Variants in EPHA3 observed in about 807,000 individuals in gnomAD.
EPHA3 encodes the protein ephrin type-A receptor 3.
EPHA3 carries 42 observed loss-of-function variants against 107.1 expected under a neutral mutation model. That is an observed-to-expected ratio of 0.39 (90% confidence interval 0.31 to 0.51). The LOEUF (loss-of-function observed/expected upper bound fraction) is 0.51. Ranked by LOEUF, EPHA3 falls within the 20% of genes least tolerant of loss-of-function variation. EPHA3 has a pLI of 0.78. For missense variants in EPHA3, 1,183 were observed against 1,211.2 expected, an observed-to-expected ratio of 0.98 and a Z score of 0.35; for synonymous variants, 461 against 424.8, an observed-to-expected ratio of 1.09 and a Z score of -1.05.
chr3:89,269,530 C>T (rs1264582240), intron 3 of EPHA3, among the ~76,000 whole-genome samples: 1 of 151,944 alleles, frequency 6.6e-6, no homozygotes, highest in Non-Finnish European at 1.5e-5. Flanking sequence ...CAGTGATCCT[C>T]CTACCTTGGA....
chr3:89,241,946 T>G (rs758298803), intron 3 of EPHA3, among the ~76,000 whole-genome samples: 20 of 152,160 alleles, frequency 1.3e-4, no homozygotes, highest in Middle Eastern at 3.2e-3. Context: ...CCTCAAGCCT[T>G]AAGCTTATAT....
At chr3:89,178,269 A>G (rs1325708121) in intron 2 of EPHA3, among the ~76,000 whole-genome samples, 1 of 152,142 alleles carries the variant, frequency 6.6e-6, no homozygotes, top group Non-Finnish European at 1.5e-5. Flanking sequence ...GATAGTAAAT[A>G]ATTTCAAGTC....
intron 13 of EPHA3, among the ~76,000 whole-genome samples, chr3:89,436,847 G>C (rs567787683): frequency 6.6e-6 from 1 of 152,198 alleles, no homozygotes; most frequent in South Asian, 2.1e-4. Context: ...AGCTAAGATA[G>C]TACTATACAT....
chr3:89,352,225 T>A (rs370812815), intron 5 of EPHA3, among the ~76,000 whole-genome samples: 29 of 151,458 alleles, frequency 1.9e-4, no homozygotes, highest in African/African-American at 6.5e-4. Context: ...AAAGACAACC[T>A]CCTTCTTTTC....
intron 3 of EPHA3, among the ~76,000 whole-genome samples, chr3:89,273,082 A>C (rs991723780): frequency 6.6e-6 from 1 of 151,922 alleles, no homozygotes; most frequent in African/African-American, 2.4e-5. Flanking sequence ...GGGAAGATAA[A>C]TTTTCAACAT....
intron 3 of EPHA3, among the ~76,000 whole-genome samples, chr3:89,280,450 A>G (rs1170792498): frequency 6.6e-6 from 1 of 152,182 alleles, no homozygotes; most frequent in African/African-American, 2.4e-5. Context: ...TCCTCTGTCT[A>G]TTATACAGCT....
chr3:89,167,722 T>G (rs77689833), intron 2 of EPHA3, among the ~76,000 whole-genome samples: 2,639 of 152,210 alleles, frequency 0.017, 69 homozygotes, highest in African/African-American at 0.058. Context: ...GAGGACTAAC[T>G]TGATACTGGA....
At chr3:89,132,039 A>G (rs1246669300) in intron 2 of EPHA3, among the ~76,000 whole-genome samples, 1 of 152,194 alleles carries the variant, frequency 6.6e-6, no homozygotes, top group Non-Finnish European at 1.5e-5. Context: ...TGGTTGAAGC[A>G]AGTGTAAGTA....
At chr3:89,423,858 A>T (rs1709400770) in intron 11 of EPHA3, among the ~76,000 whole-genome samples, 1 of 151,324 alleles carries the variant, frequency 6.6e-6, no homozygotes, top group Admixed American at 6.6e-5. Context: ...AAAAATTAAG[A>T]TCAACTTACA....
chr3:89,303,426 C>A (rs1236370694), intron 3 of EPHA3, among the ~76,000 whole-genome samples: 1 of 138,640 alleles, frequency 7.2e-6, no homozygotes. Flanking sequence ...AAATGCAAAA[C>A]CTGATATCTA....
chr3:89,369,450 T>C (rs1708249898), intron 5 of EPHA3, among the ~76,000 whole-genome samples: 1 of 150,572 alleles, frequency 6.6e-6, no homozygotes, highest in African/African-American at 2.4e-5. Context: ...TAGCCATATG[T>C]AGAAAGCTGA....
intron 13 of EPHA3, among the ~76,000 whole-genome samples, chr3:89,434,419 T>C (rs2107540213): frequency 6.6e-6 from 1 of 152,252 alleles, no homozygotes; most frequent in African/African-American, 2.4e-5. Context: ...GGTTACTCCA[T>C]GTTGGCCAGT....
At chr3:89,190,344 T>C (rs1459797663) in intron 2 of EPHA3, among the ~76,000 whole-genome samples, 1 of 152,214 alleles carries the variant, frequency 6.6e-6, no homozygotes, top group Non-Finnish European at 1.5e-5. Context: ...GGTGAGTCTA[T>C]GAAAACAAAT....
intron 3 of EPHA3, among the ~76,000 whole-genome samples, chr3:89,260,735 T>C (rs905967981): frequency 1.2e-4 from 19 of 152,220 alleles, no homozygotes; most frequent in African/African-American, 4.6e-4. Context: ...TTTAACAATA[T>C]TCTTCAGCTT....
intron 5 of EPHA3, among the ~76,000 whole-genome samples, chr3:89,384,569 C>T (rs754746949): frequency 4.0e-4 from 61 of 152,124 alleles, no homozygotes; most frequent in Non-Finnish European, 8.4e-4. Context: ...ATTTTTCATA[C>T]ATAAAATTAA....
intron 3 of EPHA3, among the ~76,000 whole-genome samples, chr3:89,295,291 G>A (rs1371004683): frequency 1.8e-4 from 27 of 152,108 alleles, no homozygotes; most frequent in Non-Finnish European, 3.1e-4. Flanking sequence ...GATCATCTCA[G>A]CCTTAGTGAG....
intron 5 of EPHA3, among the ~76,000 whole-genome samples, chr3:89,370,758 A>C (rs1283621804): frequency 6.6e-6 from 1 of 151,800 alleles, no homozygotes; most frequent in Non-Finnish European, 1.5e-5. Flanking sequence ...GAAATGAATA[A>C]GGAAGTCTCT....
chr3:89,174,462 G>A (rs574029629), intron 2 of EPHA3, among the ~76,000 whole-genome samples: 4 of 151,798 alleles, frequency 2.6e-5, no homozygotes, highest in Non-Finnish European at 4.4e-5. Flanking sequence ...TAGTAGATTG[G>A]GTCTCTTTTT....
intron 1 of EPHA3, among the ~76,000 whole-genome samples, chr3:89,113,169 C>A (rs1049684176): frequency 6.6e-6 from 1 of 151,952 alleles, no homozygotes; most frequent in Non-Finnish European, 1.5e-5. Context: ...ATACAGAAAA[C>A]CAGGATTAGA....
Sources: gnomAD v4.1 joint callset for allele counts (sites outside exome capture counted in the v4.1 genomes callset) on GRCh38, gnomAD v4.1.1 for gene constraint, MANE v1.5 for transcripts, NCBI Gene and HGNC (gene_info 2026-07-23, HGNC 2026-07-21) for gene names.